The following WDFY1 variants were observed in gnomAD, a reference collection of about 807,000 sequenced individuals.
The protein encoded by WDFY1 is WD repeat and FYVE domain containing 1.
WDFY1 carries 32 observed loss-of-function variants against 56.4 expected under a neutral mutation model. The ratio of observed to expected loss-of-function variants is 0.57; its 90% confidence interval spans 0.43 to 0.76. WDFY1 has a LOEUF of 0.76. WDFY1 is among the 30% of genes least tolerant of loss of function. The probability of loss-of-function intolerance (pLI) is 0.00; values close to 1 mark genes in which losing one functional copy is unlikely to be tolerated. For synonymous variants in WDFY1, 192 were observed against 197.3 expected, an observed-to-expected ratio of 0.97 and a Z score of 0.23; for missense variants, 480 against 545.7, an observed-to-expected ratio of 0.88 and a Z score of 1.20.
intron 1 of WDFY1, 146 bp downstream of exon 1, chr2:223,945,002 G>A (rs1689384789): frequency 2.1e-6 from 2 of 959,524 alleles, no homozygotes; most frequent in Non-Finnish European, 2.9e-6. Context: ...CCGGGAACCC[G>A]GCGGAGCTAA....
At chr2:223,886,999 C>CA (rs909451711) in intron 8 of WDFY1, among the ~76,000 whole-genome samples, 110 of 151,906 alleles carry the variant, frequency 7.2e-4, no homozygotes, top group African/African-American at 2.5e-3. Flanking sequence ...AGAAGGCACT[C>CA]ACAAGTAGAC....
intron 1 of WDFY1, among the ~76,000 whole-genome samples, chr2:223,930,561 C>G (rs1324299185): frequency 6.6e-6 from 1 of 152,240 alleles, no homozygotes; most frequent in Admixed American, 6.5e-5. Context: ...GAATTCCTGA[C>G]CTCACGTGAT....
At chr2:223,879,308 T>C (rs1412781002) in intron 11 of WDFY1, among the ~76,000 whole-genome samples, 1 of 152,232 alleles carries the variant, frequency 6.6e-6, no homozygotes. Context: ...AAATTCAATT[T>C]TTTTTTTAGA....
chr2:223,906,001 C>A lies in WDFY1; in HGVS notation c.280G>T (p.Glu94Ter). The change falls in exon 4 of 12, where the codon GAA (glutamate) becomes TAA (stop). Residue 94 changes from glutamate (E) to a stop codon, truncating the protein, a stop_gained and splice_region_variant. Transcript: ENST00000233055. LOFTEE classifies it high-confidence loss of function. ...TTAAAATCTTCAGAAACGTGAAATT[C>A]CTAAAAGCAAATGCACAAAATAAAA... is the stretch of plus-strand genomic sequence containing the variant. ...FVGQDNGAVMEFHVSEDFNKM... is the reference protein window; with the variant it reads ...FVGQDNGAVM 1 of 1,566,762 alleles carries A rather than the reference C, an allele frequency of 6.4e-7. No homozygotes were observed. The highest frequency in any genetic ancestry group is 1.2e-5 in the South Asian group (1 of 83,206).
chr2:223,945,083 A>G, intron 1 of WDFY1, 65 bp downstream of exon 1: 1 of 1,488,958 alleles, frequency 6.7e-7, no homozygotes, highest in Admixed American at 2.2e-5. Flanking sequence ...GGGGCCGCGG[A>G]CCCCACCGCC....
chr2:223,878,820 C>T (rs1457211918), intron 11 of WDFY1, 90 bp from the exon 12 acceptor site: 9 of 1,459,960 alleles, frequency 6.2e-6, no homozygotes, highest in Non-Finnish European at 8.5e-6. Context: ...GACTGTTAAA[C>T]CTGAAAAGGT....
chr2:223,882,328 T>C (rs1474832291), intron 9 of WDFY1, among the ~76,000 whole-genome samples: 1 of 152,152 alleles, frequency 6.6e-6, no homozygotes. Context: ...TTGGTCAGGC[T>C]GGTCTCGAAC....
At chr2:223,933,961 C>CAAAAAAAAA (rs368902455) in intron 1 of WDFY1, among the ~76,000 whole-genome samples, 4 of 51,014 alleles carry the variant, frequency 7.8e-5, no homozygotes, top group African/African-American at 1.5e-4. Context: ...GACCCTGCCT[C>CAAAAAAAAA]AAAAAAAAAA....
intron 4 of WDFY1, among the ~76,000 whole-genome samples, chr2:223,903,708 T>C (rs1256860446): frequency 6.7e-6 from 1 of 149,332 alleles, no homozygotes; most frequent in African/African-American, 2.5e-5. Flanking sequence ...TGGAGTACAG[T>C]AGTCTGATGA....
chr2:223,903,571 T>C lies in WDFY1; in HGVS notation c.335-2238A>G, dbSNP rs949326738. Among the ~76,000 whole-genome samples the C allele has an allele frequency of 2.1e-5, 3 of 145,872 alleles. No individual in the cohort carries two copies. In the Admixed American group the frequency reaches 2.1e-4, roughly 10 times the overall value. ...AAACCTTTGACAACCAAAATATAGA[T>C]AATAACATGAGATGTGAATATGAAA... On this transcript the variant is annotated intron_variant, in intron 4 of 11. Coordinates refer to ENST00000233055, the MANE Select transcript of WDFY1 (RefSeq NM_020830.5).
At chr2:223,878,941 T>C (rs1392216531) in intron 11 of WDFY1, among the ~76,000 whole-genome samples, 1 of 152,234 alleles carries the variant, frequency 6.6e-6, no homozygotes, top group Non-Finnish European at 1.5e-5. Flanking sequence ...CCCAACACTT[T>C]GGGAGACCGA....
At position 223,884,841 on chromosome 2, in the gene WDFY1, G is replaced by A. The variant is rs1424424392; in HGVS notation, c.832-92C>T. The A allele has an allele frequency of 3.6e-6, 4 of 1,109,406 alleles. No homozygotes were observed. The African/African-American group carries it at 6.6e-5, about 18-fold the overall frequency. 68.7% of individuals were successfully genotyped at this position (1,109,406 alleles called of 1,614,324 possible). The stretch of plus-strand genomic sequence containing the variant: ...TACAACAGTTCTAGACCTTGCCAAG[G>A]TTAGTATTTCTTTTCTTCTTTTTTT... On this transcript the variant is annotated intron_variant, in intron 8 of 11. Coordinates refer to ENST00000233055, the MANE Select transcript of WDFY1 (RefSeq NM_020830.5).
chr2:223,880,317 G>A lies in WDFY1; in HGVS notation c.1065-85C>T, dbSNP rs924915942. On this transcript the variant is annotated intron_variant, in intron 10 of 11. Coordinates refer to ENST00000233055, the MANE Select transcript of WDFY1 (RefSeq NM_020830.5). Reference sequence around the variant, plus strand: ...AAGCTTTTTTAGCAACATAAAATAAGCAAATATGGCCAGGTGCAGTGGCTC... The same window carrying A: ...AAGCTTTTTTAGCAACATAAAATAAACAAATATGGCCAGGTGCAGTGGCTC... 11 of 1,212,674 alleles carry A rather than the reference G, an allele frequency of 9.1e-6. No homozygotes were observed. The Admixed American group carries it at 1.8e-4, about 20-fold the overall frequency. 75.1% of individuals were successfully genotyped at this position (1,212,674 alleles called of 1,614,324 possible). A position where few individuals can be genotyped will look rare whatever the true frequency, so the allele number is the denominator to read the frequency against.
chr2:223,895,423 AG>A (rs1693347939), intron 7 of WDFY1, 80 bp downstream of exon 7: 1 of 1,597,446 alleles, frequency 6.3e-7, no homozygotes, highest in Non-Finnish European at 8.6e-7. Flanking sequence ...GTTTGCAGAA[AG>A]TGGTATCAGA....
At position 223,901,305 on chromosome 2, in the gene WDFY1, G is replaced by A. The variant is rs1559167124; in HGVS notation, c.363C>T (p.Ile121=). ...PAHQNRVSAI[I]FSLATEWVIS... Reference sequence around the variant, plus strand: ...TCACCCACTCTGTGGCCAAGCTGAAGATAATCGCAGACACCCGGTTCTGAT... The same window carrying A: ...TCACCCACTCTGTGGCCAAGCTGAAAATAATCGCAGACACCCGGTTCTGAT... The change falls in exon 5 of 12, where the codon ATC becomes ATT. Residue 121 remains isoleucine (I), a synonymous_variant. Coordinates refer to ENST00000233055, the MANE Select transcript of WDFY1 (RefSeq NM_020830.5). 2 of 1,614,148 alleles carry A rather than the reference G, an allele frequency of 1.2e-6. No individual in the cohort carries two copies. Among genetic ancestry groups the A allele is most frequent in the Non-Finnish European group, 1.7e-6 (2 of 1,180,016 alleles).
intron 1 of WDFY1, among the ~76,000 whole-genome samples, chr2:223,919,388 T>G (rs1693852352): frequency 6.6e-6 from 1 of 152,180 alleles, no homozygotes; most frequent in African/African-American, 2.4e-5. Context: ...TTTTTGTATT[T>G]TTAGTAGAGA....
At chr2:223,943,997 TTACTC>T (rs1374351760) in intron 1 of WDFY1, among the ~76,000 whole-genome samples, 34 of 152,248 alleles carry the variant, frequency 2.2e-4, no homozygotes, top group Admixed American at 2.2e-3. Flanking sequence ...AGTTATTAGT[TTACTC>T]TGTCTGGTGA....
At position 223,881,566 on chromosome 2, in the gene WDFY1, G is replaced by C. The variant is rs1574755893; in HGVS notation, c.1064+376C>G. 2.0e-5 allele frequency among the ~76,000 whole-genome samples: 3 copies of C among 152,282 alleles called. No homozygotes were observed. The South Asian group carries it at 6.2e-4, about 32-fold the overall frequency. Reference sequence around the variant, plus strand: ...GCACTTTGAGAGGCCAAGGTGGGTAGATCACTTGAGGTCAGGAGTTCGAGA... The same window carrying C: ...GCACTTTGAGAGGCCAAGGTGGGTACATCACTTGAGGTCAGGAGTTCGAGA... On this transcript the variant is annotated intron_variant, in intron 10 of 11. Coordinates refer to ENST00000233055, the MANE Select transcript of WDFY1 (RefSeq NM_020830.5).
At chr2:223,934,895 G>A (rs1442434936) in intron 1 of WDFY1, among the ~76,000 whole-genome samples, 2 of 152,194 alleles carry the variant, frequency 1.3e-5, no homozygotes, top group East Asian at 1.9e-4. Context: ...GAGCTATGAG[G>A]ACAGAAAAAG....
Sources: allele counts gnomAD v4.1 joint callset (sites outside exome capture counted in the v4.1 genomes callset), GRCh38; gene constraint gnomAD v4.1.1; transcripts MANE v1.5; gene names NCBI Gene and HGNC (gene_info 2026-07-23, HGNC 2026-07-21).